PDSS2: variants seen among roughly 807,000 people sequenced by gnomAD.
PDSS2 encodes the protein decaprenyl diphosphate synthase subunit 2.
A neutral mutation model predicts 44.5 loss-of-function variants in PDSS2; 31 were observed. The ratio of observed to expected loss-of-function variants is 0.70; its 90% CI spans 0.52 to 0.94. The LOEUF (loss-of-function observed/expected upper bound fraction) is 0.94, where lower values mean the gene tolerates loss of function less well. Among genes scored for constraint, PDSS2 ranks in the 40% least tolerant of loss-of-function variants. The probability of loss-of-function intolerance (pLI) is 0.00; values close to 1 mark genes in which losing one functional copy is unlikely to be tolerated. For synonymous variants in PDSS2, 157 were observed against 180.3 expected (o/e 0.87, Z 1.03); for missense variants, 452 against 482.2 (o/e 0.94, Z 0.59).
intron 1 of PDSS2, among the ~76,000 whole-genome samples, chr6:107,402,458 A>ATACGTATATATG (rs1780146768): frequency 7.7e-5 from 2 of 26,102 alleles, no homozygotes; most frequent in Admixed American, 7.5e-4. Context: ...ACACACATAT[A>ATACGTATATATG]TATACGTATA....
In PDSS2 at chr6:107,456,710, T is replaced by C. The variant is rs935164201; in HGVS notation, c.296+2280A>G. The stretch of plus-strand genomic sequence containing the variant: ...ATGTGCATCCCCACGCCCAACTAAT[T>C]TATTTTATTTTTTGTAGAGATAGGG... On this transcript the variant is annotated intron_variant, in intron 1 of 7. Transcript: ENST00000369037. Among the ~76,000 whole-genome samples, 10 of 152,158 alleles carry C rather than the reference T, an allele frequency of 6.6e-5. No homozygotes were observed. The East Asian group carries it at 1.9e-3, about 29-fold the overall frequency.
At chr6:107,376,115 A>G (rs2114423977) in intron 1 of PDSS2, among the ~76,000 whole-genome samples, 1 of 152,090 alleles carries the variant, frequency 6.6e-6, no homozygotes, top group East Asian at 1.9e-4. Context: ...TGTTCCATTG[A>G]TTTATATTTC....
intron 1 of PDSS2, among the ~76,000 whole-genome samples, chr6:107,387,782 G>T (rs1253681028): frequency 2.0e-5 from 3 of 152,168 alleles, no homozygotes; most frequent in Admixed American, 2.0e-4. Context: ...AAGTTGCAAT[G>T]ATTTCATTTT....
rs755359087 is a variant in PDSS2 at position 107,299,146 on chromosome 6, C to CCAA, written c.432-24920_432-24919insTTG. 1.7e-3 allele frequency among the ~76,000 whole-genome samples: 91 copies of CCAA among 53,470 alleles called. 3 individuals carry two copies. Among genetic ancestry groups the CCAA allele is most frequent in the African/African-American group, 7.4e-3 (89 of 11,962 alleles). 35.1% of individuals were successfully genotyped at this position (53,470 alleles called of 152,430 possible). ...TGGGTGACAAAGTGAGACCCTGTCTCAAAAAAAAAAAAAAAAAAAAAAAGA... is the reference window on the plus strand; with the variant it reads ...TGGGTGACAAAGTGAGACCCTGTCTCCAAAAAAAAAAAAAAAAAAAAAAAAAGA... On this transcript the variant is annotated intron_variant, in intron 2 of 7. Coordinates refer to ENST00000369037, the MANE Select transcript of PDSS2 (RefSeq NM_020381.4).
At chr6:107,403,430 T>C (rs1780210071) in intron 1 of PDSS2, among the ~76,000 whole-genome samples, 1 of 152,242 alleles carries the variant, frequency 6.6e-6, no homozygotes, top group African/African-American at 2.4e-5. Flanking sequence ...AAGTTGTCAA[T>C]GGATCTACCA....
At chr6:107,449,267 A>C (rs1444102612) in intron 1 of PDSS2, among the ~76,000 whole-genome samples, 1 of 152,212 alleles carries the variant, frequency 6.6e-6, no homozygotes, top group East Asian at 1.9e-4. Context: ...CAATATATAA[A>C]CTTTTGAGAT....
At chr6:107,457,227 C>T (rs1223645717) in intron 1 of PDSS2, among the ~76,000 whole-genome samples, 1 of 152,046 alleles carries the variant, frequency 6.6e-6, no homozygotes, top group Non-Finnish European at 1.5e-5. Context: ...CATGAGGAAT[C>T]CTTATAGTGC....
chr6:107,263,770 G>A (rs1775323419), intron 3 of PDSS2, among the ~76,000 whole-genome samples: 1 of 152,146 alleles, frequency 6.6e-6, no homozygotes, highest in Admixed American at 6.5e-5. Context: ...TGTTTAATAT[G>A]TGACTATATT....
intron 1 of PDSS2, among the ~76,000 whole-genome samples, chr6:107,404,582 G>T (rs921103684): frequency 1.3e-5 from 2 of 152,152 alleles, no homozygotes; most frequent in Non-Finnish European, 2.9e-5. Flanking sequence ...AGGAGTAAAG[G>T]CACGTCTTAC....
chr6:107,357,731 T>C (rs1024279852), intron 1 of PDSS2, among the ~76,000 whole-genome samples: 1 of 152,184 alleles, frequency 6.6e-6, no homozygotes, highest in African/African-American at 2.4e-5. Flanking sequence ...CGTTATTCTC[T>C]GGCAATTTTT....
intron 4 of PDSS2, among the ~76,000 whole-genome samples, chr6:107,231,788 C>T (rs1337564695): frequency 6.6e-6 from 1 of 152,010 alleles, no homozygotes; most frequent in African/African-American, 2.4e-5. Context: ...ATGGTGAAAC[C>T]CCATCTCTAC....
At chr6:107,277,630 C>A (rs1180351286) in intron 2 of PDSS2, among the ~76,000 whole-genome samples, 4 of 152,092 alleles carry the variant, frequency 2.6e-5, no homozygotes, top group African/African-American at 9.7e-5. Context: ...TGACCTAGGA[C>A]ACCGCCTTAG....
chr6:107,398,966 A>T (rs899452879), intron 1 of PDSS2, among the ~76,000 whole-genome samples: 2 of 152,204 alleles, frequency 1.3e-5, no homozygotes, highest in African/African-American at 4.8e-5. Flanking sequence ...GAATGTATTC[A>T]TATTCTACAC....
chr6:107,304,577 C>T (rs780877865), intron 2 of PDSS2, among the ~76,000 whole-genome samples: 6 of 152,148 alleles, frequency 3.9e-5, no homozygotes, highest in Non-Finnish European at 8.8e-5. Flanking sequence ...ACTCTCAGTG[C>T]CCAGTCGTTT....
chr6:107,280,213 T>C (rs1214690896), intron 2 of PDSS2, among the ~76,000 whole-genome samples: 1 of 152,030 alleles, frequency 6.6e-6, no homozygotes, highest in East Asian at 1.9e-4. Context: ...GCATGCGCCA[T>C]GATGTCCAGC....
chr6:107,166,142 T>C (rs1211163915), intron 7 of PDSS2, among the ~76,000 whole-genome samples: 1 of 152,104 alleles, frequency 6.6e-6, no homozygotes, highest in Admixed American at 6.6e-5. Context: ...CTTTTCCTAA[T>C]TGAATACCCT....
chr6:107,401,184 C>A (rs532068088), intron 1 of PDSS2, among the ~76,000 whole-genome samples: 2 of 152,310 alleles, frequency 1.3e-5, no homozygotes, highest in East Asian at 3.9e-4. Context: ...AGGACACAAG[C>A]TTTGTGCAAC....
chr6:107,237,958 CCA>C (rs920238860), intron 4 of PDSS2, among the ~76,000 whole-genome samples: 2 of 151,354 alleles, frequency 1.3e-5, no homozygotes, highest in African/African-American at 4.9e-5. Context: ...TTATCTTGCC[CCA>C]CAAAAACATA....
chr6:107,222,805 G>A (rs113779303), intron 4 of PDSS2, among the ~76,000 whole-genome samples: 1 of 151,832 alleles, frequency 6.6e-6, no homozygotes, highest in African/African-American at 2.4e-5. Flanking sequence ...TATATCTTAC[G>A]GTTTAAAAGC....
Sources: gnomAD v4.1 joint callset for allele counts (sites outside exome capture counted in the v4.1 genomes callset) on GRCh38, gnomAD v4.1.1 for gene constraint, MANE v1.5 for transcripts, NCBI Gene and HGNC (gene_info 2026-07-23, HGNC 2026-07-21) for gene names.